The following SNX19 variants were observed in gnomAD, a reference collection of about 807,000 sequenced individuals.
SNX19 encodes sorting nexin-19.
A neutral mutation model predicts 85.2 loss-of-function variants in SNX19; 60 were observed. The observed-to-expected ratio is 0.70, with a 90% CI of 0.57 to 0.87. SNX19 has a LOEUF of 0.87. Among genes scored for constraint, SNX19 ranks in the 40% least tolerant of loss-of-function variants. The pLI, the probability that SNX19 is intolerant of heterozygous loss-of-function variation, is 0.00. For missense variants in SNX19, 1,201 were observed against 1,217.8 expected (o/e 0.99, Z 0.21); for synonymous variants, 520 against 470.0 (o/e 1.11, Z -1.38).
chr11:130,913,221 T>C (rs1946280613), intron 1 of SNX19, among the ~76,000 whole-genome samples: 1 of 152,048 alleles, frequency 6.6e-6, no homozygotes, highest in African/African-American at 2.4e-5. Context: ...AAGCCAACAC[T>C]TAAATGTGAG....
At position 130,869,871 on chromosome 11, in the gene SNX19, G is replaced by A. The variant is rs1206322772; in HGVS notation, c.*8551C>T. 1 of 151,608 alleles carries A rather than the reference G, an allele frequency of 6.6e-6. No homozygotes were observed. The allele number at this position is 151,608 out of a possible 1,614,324, so 9.4% of individuals were successfully genotyped here. On this transcript the variant is annotated 3_prime_UTR_variant, in exon 11 of 11. Coordinates refer to ENST00000265909, the MANE Select transcript of SNX19 (RefSeq NM_014758.3). The stretch of plus-strand genomic sequence containing the variant: ...TCAAAAAGGCAATTAGATTAGTGGG[G>A]TAGCCAAGTCACCCACAAAGACTGA...
intron 1 of SNX19, among the ~76,000 whole-genome samples, chr11:130,913,069 A>C (rs1946264006): frequency 6.6e-6 from 1 of 152,206 alleles, no homozygotes; most frequent in Non-Finnish European, 1.5e-5. Flanking sequence ...AGCCAACAAC[A>C]AAAAAGAACA....
chr11:130,890,811 C>A lies in SNX19; in HGVS notation c.2574-10005G>T, dbSNP rs954112235. ...CACATATAGAGTTCTTTTCAAAGCACTGATTTTATACTACAACTCCTATTT... is the reference window on the plus strand; with the variant it reads ...CACATATAGAGTTCTTTTCAAAGCAATGATTTTATACTACAACTCCTATTT... On this transcript the variant is annotated intron_variant, in intron 8 of 10. Coordinates refer to ENST00000265909, the MANE Select transcript of SNX19 (RefSeq NM_014758.3). Among the ~76,000 whole-genome samples, 4 of 151,738 alleles carry A rather than the reference C, an allele frequency of 2.6e-5. No individual in the cohort carries two copies. In the South Asian group the frequency reaches 8.3e-4, roughly 32 times the overall value.
At chr11:130,879,080 C>T (rs1404446956) in intron 10 of SNX19, among the ~76,000 whole-genome samples, 2 of 152,236 alleles carry the variant, frequency 1.3e-5, no homozygotes, top group Non-Finnish European at 2.9e-5. Flanking sequence ...TATTCTAGGA[C>T]TCTTCACCCA....
intron 4 of SNX19, 94 bp downstream of exon 4, chr11:130,909,924 A>G (rs1945961684): frequency 4.6e-6 from 7 of 1,531,826 alleles, no homozygotes; most frequent in South Asian, 3.6e-5. Context: ...CCCACACCCT[A>G]CTGCTCTTAT....
At chr11:130,901,167 T>G (rs1465634602) in intron 8 of SNX19, among the ~76,000 whole-genome samples, 2 of 152,186 alleles carry the variant, frequency 1.3e-5, no homozygotes, top group African/African-American at 4.8e-5. Context: ...TAGATGCCAG[T>G]AGGCATCCCA....
intron 9 of SNX19, 30 bp from the exon 10 acceptor site, chr11:130,879,741 G>T: frequency 6.3e-7 from 1 of 1,592,770 alleles, no homozygotes. Context: ...TGGAATTTGC[G>T]TGTTATCACT....
Position 130,873,240 on chromosome 11 carries a change from TG to T in SNX19, c.*5181del, listed in dbSNP as rs576377514. Among the ~76,000 whole-genome samples, 444 of 152,328 alleles carry T rather than the reference TG, an allele frequency of 2.9e-3. 3 individuals carry two copies. The highest frequency in any genetic ancestry group is 0.01 in the African/African-American group (430 of 41,578). On this transcript the variant is annotated 3_prime_UTR_variant, in exon 11 of 11. Coordinates refer to ENST00000265909, the MANE Select transcript of SNX19 (RefSeq NM_014758.3). The stretch of plus-strand genomic sequence containing the variant: ...CCTATTTTTGTAAATCAAGTTTTAT[TG>T]GAACACAGCCACACTTGTTTATGAA...
intron 8 of SNX19, among the ~76,000 whole-genome samples, chr11:130,900,440 C>T (rs531701426): frequency 9.8e-5 from 15 of 152,296 alleles, no homozygotes; most frequent in Middle Eastern, 6.8e-3. Flanking sequence ...GAGCTTGCTT[C>T]GCTCGTATTT....
At chr11:130,879,253 C>G (rs983027867) in intron 10 of SNX19, among the ~76,000 whole-genome samples, 3 of 152,174 alleles carry the variant, frequency 2.0e-5, no homozygotes, top group Admixed American at 1.3e-4. Context: ...AGGGTACGCT[C>G]TTGGAGCATT....
intron 7 of SNX19, among the ~76,000 whole-genome samples, chr11:130,903,716 TACACACACACACACACACACAC>T (rs35654790): frequency 9.8e-5 from 14 of 143,382 alleles, no homozygotes; most frequent in Middle Eastern, 3.7e-3. Flanking sequence ...TATATACACA[TACACACACACACACACACACAC>T]ACACACACAC....
At chr11:130,895,038 T>C in intron 8 of SNX19, 1 of 985,430 alleles carries the variant, frequency 1.0e-6, no homozygotes, top group Non-Finnish European at 1.2e-6. Flanking sequence ...TCCAAGTTCT[T>C]GCTTTCCATG....
At position 130,911,654 on chromosome 11, in the gene SNX19, C is replaced by A. The variant is rs144819179; in HGVS notation, c.1792G>T (p.Asp598Tyr). The A allele has an allele frequency of 6.2e-7, 1 of 1,614,060 alleles. No homozygotes were observed. The highest frequency in any genetic ancestry group is 1.3e-5 in the African/African-American group (1 of 74,934). ...TGACTTTTGATGAACTTTCGTAGAT[C>A]TGGTTTCTCCTCCAGACGGGTCTGC... ...NLQTRLEEKP[D>Y]LRKFIKNVKG... Residue 598 changes from aspartate to tyrosine, a missense_variant, in exon 2 of 11, where the codon GAT (aspartate) becomes TAT (tyrosine). By Grantham distance (160) the Asp-to-Tyr change is radical. This residue lies in a region of SNX19 where 791 missense variants were observed against 750.9 expected (regional missense o/e 1.05). Coordinates refer to ENST00000265909, the MANE Select transcript of SNX19 (RefSeq NM_014758.3).
intron 7 of SNX19, among the ~76,000 whole-genome samples, chr11:130,903,896 C>G (rs1040889256): frequency 6.6e-6 from 1 of 152,080 alleles, no homozygotes; most frequent in African/African-American, 2.4e-5. Context: ...CACTCGCCCC[C>G]ACAAAGCATT....
rs774618899 is a variant in SNX19, at chr11:130,914,986, C to G, written c.954G>C (p.Glu318Asp). 1 of 1,614,168 alleles carries G rather than the reference C, an allele frequency of 6.2e-7. No homozygotes were observed. The highest frequency in any genetic ancestry group is 1.3e-5 in the African/African-American group (1 of 75,046). ...GAGAGGGGCCTGCAGAACCCTCTGG[C>G]TCACTGTAACTTAGGAATACTGGGG... ...VAAPVFLSYSEPEGSAGPSPE... is the reference protein window; with the variant it reads ...VAAPVFLSYSDPEGSAGPSPE... Residue 318 changes from glutamate to aspartate, a missense_variant, in exon 1 of 11, where the codon GAG (glutamate) becomes GAC (aspartate). By Grantham distance (45) the Glu-to-Asp change is conservative. This residue lies in a region of SNX19 where 791 missense variants were observed against 750.9 expected (regional missense o/e 1.05). Coordinates refer to ENST00000265909, the MANE Select transcript of SNX19 (RefSeq NM_014758.3).
chr11:130,911,491 C>A (rs1471679488), intron 2 of SNX19, 142 bp downstream of exon 2: 12 of 1,497,256 alleles, frequency 8.0e-6, no homozygotes, highest in Non-Finnish European at 1.1e-5. Context: ...CACTAAACTT[C>A]AAAACTCCTG....
chr11:130,898,176 TAG>T (rs1467552266), intron 8 of SNX19, among the ~76,000 whole-genome samples: 1 of 150,596 alleles, frequency 6.6e-6, no homozygotes, highest in African/African-American at 2.4e-5. Flanking sequence ...CTTTGCAGGA[TAG>T]AGAGTGTGCT....
At chr11:130,879,025 C>G in intron 10 of SNX19, among the ~76,000 whole-genome samples, 1 of 152,288 alleles carries the variant, frequency 6.6e-6, no homozygotes, top group Admixed American at 6.5e-5. Flanking sequence ...CTCAATACTT[C>G]CAGAAGAGTA....
In SNX19 at chr11:130,875,785, T is replaced by C. The variant is rs578201029; in HGVS notation, c.*2637A>G. The C allele has an allele frequency of 5.9e-5, 9 of 152,144 alleles. No homozygotes were observed. Among genetic ancestry groups the C allele is most frequent in the Non-Finnish European group, 1.3e-4 (9 of 68,038 alleles). The allele number at this position is 152,144 out of a possible 1,614,324, so 9.4% of individuals were successfully genotyped here. A position where few individuals can be genotyped will look rare whatever the true frequency, so the allele number is the denominator to read the frequency against. On this transcript the variant is annotated 3_prime_UTR_variant, in exon 11 of 11. Transcript: ENST00000265909. ...GTGCAGCACACCAACACGGCACATG[T>C]ATACATATGCAACAAACCTGCATGT...
Sources: allele counts gnomAD v4.1 joint callset (sites outside exome capture counted in the v4.1 genomes callset), GRCh38; gene constraint gnomAD v4.1.1; regional missense constraint gnomAD v4.1.1; transcripts MANE v1.5; gene names NCBI Gene and HGNC (gene_info 2026-07-23, HGNC 2026-07-21).